Variants in NEGR1 observed in about 807,000 individuals in gnomAD.
NEGR1 encodes the protein IgLON family member 4.
A neutral mutation model predicts 40.9 loss-of-function variants in NEGR1; 10 were observed. The ratio of observed to expected loss-of-function variants is 0.24; its 90% CI spans 0.15 to 0.42. The LOEUF (loss-of-function observed/expected upper bound fraction) is 0.42, where lower values mean the gene tolerates loss of function less well. NEGR1 is among the 10% of genes least tolerant of loss of function. The pLI, the probability that NEGR1 is intolerant of heterozygous loss-of-function variation, is 1.00. For synonymous variants in NEGR1, 185 were observed against 166.8 expected (o/e 1.11, Z -0.84); for missense variants, 352 against 438.9 (o/e 0.80, Z 1.77).
intron 1 of NEGR1, among the ~76,000 whole-genome samples, chr1:71,973,732 C>T (rs992939064): frequency 6.6e-6 from 1 of 152,040 alleles, no homozygotes; most frequent in Non-Finnish European, 1.5e-5. Flanking sequence ...GAAATAACTT[C>T]CACCTTTATT....
intron 1 of NEGR1, among the ~76,000 whole-genome samples, chr1:72,204,083 T>C (rs1570117468): frequency 6.6e-6 from 1 of 152,058 alleles, no homozygotes; most frequent in East Asian, 1.9e-4. Context: ...GCCCACAATA[T>C]TTCCAAGGTA....
At chr1:71,926,736 T>C (rs1645777618) in intron 2 of NEGR1, among the ~76,000 whole-genome samples, 1 of 152,116 alleles carries the variant, frequency 6.6e-6, no homozygotes, top group Admixed American at 6.5e-5. Flanking sequence ...ATCAACTTAG[T>C]AATTCCCTTT....
intron 1 of NEGR1, among the ~76,000 whole-genome samples, chr1:72,195,246 G>A (rs1652960482): frequency 6.6e-6 from 1 of 151,952 alleles, no homozygotes. Flanking sequence ...AAGAGCTACT[G>A]CTCTTAGTGT....
intron 5 of NEGR1, among the ~76,000 whole-genome samples, chr1:71,605,243 T>C (rs985242584): frequency 5.3e-5 from 8 of 152,188 alleles, no homozygotes; most frequent in African/African-American, 1.9e-4. Context: ...GGGTATAATG[T>C]AGTGTTTTTA....
At chr1:71,455,885 A>G (rs1455300414) in intron 6 of NEGR1, among the ~76,000 whole-genome samples, 1 of 152,218 alleles carries the variant, frequency 6.6e-6, no homozygotes, top group Non-Finnish European at 1.5e-5. Context: ...GCCCAAAGAC[A>G]TAAGACTTCA....
chr1:71,782,050 T>C (rs918972348), intron 2 of NEGR1, among the ~76,000 whole-genome samples: 1 of 152,156 alleles, frequency 6.6e-6, no homozygotes, highest in Admixed American at 6.6e-5. Flanking sequence ...TAAAGCAGAA[T>C]AGGTTTTTCT....
chr1:71,720,928 A>G (rs1259688661), intron 3 of NEGR1, among the ~76,000 whole-genome samples: 2 of 152,274 alleles, frequency 1.3e-5, no homozygotes, highest in East Asian at 3.9e-4. Context: ...AATGAGGCCA[A>G]TAATCATTTC....
At chr1:71,575,848 CTAA>C (rs1443433907) in intron 6 of NEGR1, among the ~76,000 whole-genome samples, 1 of 152,086 alleles carries the variant, frequency 6.6e-6, no homozygotes, top group African/African-American at 2.4e-5. Flanking sequence ...AAACCTTTCC[CTAA>C]TGTTATTAAC....
chr1:71,701,636 G>A (rs1010356133), intron 3 of NEGR1, among the ~76,000 whole-genome samples: 2 of 151,922 alleles, frequency 1.3e-5, no homozygotes, highest in African/African-American at 4.8e-5. Flanking sequence ...AGGTAACATG[G>A]TCATATATTC....
At position 71,439,332 on chromosome 1, in the gene NEGR1, C is replaced by T. The variant is rs548916688; in HGVS notation, c.941-31762G>A. The stretch of plus-strand genomic sequence containing the variant: ...TACTAGAACTCAAATGAAATTTCAC[C>T]GTATGTCCTTTCCTTCAATAATGTT... On this transcript the variant is annotated intron_variant, in intron 6 of 6. Coordinates refer to ENST00000357731, the MANE Select transcript of NEGR1 (RefSeq NM_173808.3). 8.5e-5 allele frequency among the ~76,000 whole-genome samples: 13 copies of T among 152,096 alleles called. No homozygotes were observed. In the South Asian group the frequency reaches 2.3e-3, roughly 27 times the overall value.
intron 4 of NEGR1, among the ~76,000 whole-genome samples, chr1:71,647,316 C>T (rs888201930): frequency 6.6e-5 from 10 of 151,960 alleles, no homozygotes; most frequent in African/African-American, 2.4e-4. Context: ...CCCAGGGGTC[C>T]TTAACATAGC....
chr1:71,647,685 T>A (rs1245097256), intron 4 of NEGR1, among the ~76,000 whole-genome samples: 1 of 151,914 alleles, frequency 6.6e-6, no homozygotes, highest in African/African-American at 2.4e-5. Context: ...TTATACTGAG[T>A]CTTCTACAGT....
At chr1:71,940,815 T>C (rs1163879966) in intron 1 of NEGR1, among the ~76,000 whole-genome samples, 1 of 152,186 alleles carries the variant, frequency 6.6e-6, no homozygotes, top group Non-Finnish European at 1.5e-5. Flanking sequence ...GTATTTGTTA[T>C]TTTTTAAAGC....
intron 1 of NEGR1, among the ~76,000 whole-genome samples, chr1:72,131,005 C>T (rs1373577025): frequency 2.0e-5 from 3 of 152,076 alleles, no homozygotes; most frequent in Non-Finnish European, 4.4e-5. Flanking sequence ...CTACAGGGAT[C>T]CAGTTGTTAT....
In NEGR1 at chr1:71,901,666, ATTTTTTTTT is replaced by A. The variant is rs33958971; in HGVS notation, c.409+33404_409+33412del. ...CCATTTTTCTAAAAATGAGATATAA[ATTTTTTTTT>A]TTTTTTTTTTTTTGAGACGGAGTCT... On this transcript the variant is annotated intron_variant, in intron 2 of 6. Transcript: ENST00000357731. Among the ~76,000 whole-genome samples the A allele has an allele frequency of 3.4e-4, 39 of 115,858 alleles. No individual in the cohort carries two copies. The East Asian group carries it at 0.01, about 31-fold the overall frequency. 76.0% of individuals were successfully genotyped at this position (115,858 alleles called of 152,430 possible).
At chr1:71,874,254 T>C (rs1364676060) in intron 2 of NEGR1, among the ~76,000 whole-genome samples, 2 of 152,200 alleles carry the variant, frequency 1.3e-5, no homozygotes, top group African/African-American at 4.8e-5. Flanking sequence ...GTACCTTTTA[T>C]CTAAGGATCT....
intron 2 of NEGR1, among the ~76,000 whole-genome samples, chr1:71,782,831 CCT>C (rs1656764554): frequency 6.6e-6 from 1 of 152,110 alleles, no homozygotes; most frequent in African/African-American, 2.4e-5. Context: ...ATTAAATATT[CCT>C]CTAACTCATT....
intron 2 of NEGR1, among the ~76,000 whole-genome samples, chr1:71,850,141 G>A (rs996204611): frequency 1.7e-5 from 1 of 60,434 alleles, no homozygotes; most frequent in Admixed American, 1.4e-4. Flanking sequence ...GTCTTTTTTT[G>A]TTTGTTTGTT....
At chr1:71,650,613 A>G (rs757295549) in intron 4 of NEGR1, among the ~76,000 whole-genome samples, 24 of 152,186 alleles carry the variant, frequency 1.6e-4, no homozygotes, top group Non-Finnish European at 3.1e-4. Flanking sequence ...GCTCATAAGC[A>G]TACTTGTTTT....
Sources: gnomAD v4.1 joint callset for allele counts (sites outside exome capture counted in the v4.1 genomes callset) on GRCh38, gnomAD v4.1.1 for gene constraint, MANE v1.5 for transcripts, NCBI Gene and HGNC (gene_info 2026-07-23, HGNC 2026-07-21) for gene names.